The following GTF3C1 variants were observed in gnomAD, a reference collection of about 807,000 sequenced individuals.
GTF3C1 encodes the protein general transcription factor 3C polypeptide 1.
GTF3C1 carries 57 observed loss-of-function variants against 226.7 expected under a neutral mutation model. That is an observed-to-expected ratio of 0.25 (90% CI 0.20 to 0.31). The LOEUF (loss-of-function observed/expected upper bound fraction) is 0.31. Among genes scored for constraint, GTF3C1 ranks in the 10% least tolerant of loss-of-function variants. The probability of loss-of-function intolerance (pLI) is 1.00; values close to 1 mark genes in which losing one functional copy is unlikely to be tolerated. For synonymous variants in GTF3C1, 1,090 were observed against 1,084.8 expected, an observed-to-expected ratio of 1.00 and a Z score of -0.09; for missense variants, 2,217 against 2,776.1, an observed-to-expected ratio of 0.80 and a Z score of 4.53.
At chr16:27,483,186 C>A (rs2088083679) in intron 25 of GTF3C1, 61 bp from the exon 26 acceptor site, 1 of 1,480,902 alleles carries the variant, frequency 6.8e-7, no homozygotes. Context: ...TGTTCAGAAC[C>A]TTCAGAGAGC....
At chr16:27,509,417 G>A (rs980031433) in intron 7 of GTF3C1, among the ~76,000 whole-genome samples, 2 of 152,170 alleles carry the variant, frequency 1.3e-5, no homozygotes, top group African/African-American at 4.8e-5. Flanking sequence ...TAAAGCACAT[G>A]AGCCGCAAGG....
chr16:27,549,203 A>G (rs531210372), intron 1 of GTF3C1, among the ~76,000 whole-genome samples: 71 of 152,222 alleles, frequency 4.7e-4, no homozygotes, highest in African/African-American at 1.7e-3. Context: ...AGTCCCTGAT[A>G]AATGTCAGCT....
intron 6 of GTF3C1, among the ~76,000 whole-genome samples, chr16:27,520,153 G>T (rs1233884160): frequency 2.6e-5 from 4 of 152,150 alleles, no homozygotes; most frequent in Non-Finnish European, 4.4e-5. Flanking sequence ...GTCTCACTCT[G>T]TCACCCAGAC....
rs232077 is a variant in GTF3C1 at position 27,507,574 on chromosome 16, C to G, written c.1243-418G>C. ...CTTAGCCACTGCCATGAGGATTTGTCGACTGGGCATCAGTGATCCACACCC... is the reference window on the plus strand; with the variant it reads ...CTTAGCCACTGCCATGAGGATTTGTGGACTGGGCATCAGTGATCCACACCC... On this transcript the variant is annotated intron_variant, in intron 8 of 36. Coordinates refer to ENST00000356183, the MANE Select transcript of GTF3C1 (RefSeq NM_001520.4). This position sits in a 1 kb window ranked among gnomAD's most constrained non-coding sequence, Gnocchi z 4.9. 0.19 allele frequency among the ~76,000 whole-genome samples: 28,326 copies of G among 152,184 alleles called. 3,070 individuals carry two copies. Among genetic ancestry groups the G allele is most frequent in the African/African-American group, 0.29 (12,048 of 41,498 alleles).
Position 27,535,553 on chromosome 16 carries a change from C to T in GTF3C1, c.753-2166G>A, listed in dbSNP as rs573961899. ...TCGTGCCACTGCGCTCCAGCCTAGGCAACCAAATGAGACTGTCAAATAAAA... is the reference window on the plus strand; with the variant it reads ...TCGTGCCACTGCGCTCCAGCCTAGGTAACCAAATGAGACTGTCAAATAAAA... On this transcript the variant is annotated intron_variant, in intron 4 of 36. Coordinates refer to ENST00000356183, the MANE Select transcript of GTF3C1 (RefSeq NM_001520.4). Among the ~76,000 whole-genome samples the T allele has an allele frequency of 2.0e-4, 29 of 147,074 alleles. 1 individual carries two copies. The highest frequency in any genetic ancestry group is 6.9e-4 in the Admixed American group (10 of 14,566).
chr16:27,476,505 G>T lies in GTF3C1; in HGVS notation c.4299C>A (p.Ile1433=). The change falls in exon 29 of 37, where the codon ATC becomes ATA. Residue 1433 remains isoleucine (I), a synonymous_variant. Transcript: ENST00000356183. ...DIHFLVLQNL[I]QSTLALSDSQ... ...TGTCTGAGAGGGCCAGCGTGCTCTGGATCAGGTTCTGAAGCACCAGAAAGT... is the reference window on the plus strand; with the variant it reads ...TGTCTGAGAGGGCCAGCGTGCTCTGTATCAGGTTCTGAAGCACCAGAAAGT... The T allele has an allele frequency of 6.2e-7, 1 of 1,613,354 alleles. No individual in the cohort carries two copies. Among genetic ancestry groups the T allele is most frequent in the Non-Finnish European group, 8.5e-7 (1 of 1,179,334 alleles).
At chr16:27,466,506 G>A (rs1345874914) in intron 32 of GTF3C1, among the ~76,000 whole-genome samples, 1 of 152,108 alleles carries the variant, frequency 6.6e-6, no homozygotes, top group East Asian at 1.9e-4. Context: ...CCCTATTCCT[G>A]AAACACAACA....
intron 5 of GTF3C1, among the ~76,000 whole-genome samples, chr16:27,530,720 TTTATTC>T (rs1453292362): frequency 6.6e-6 from 1 of 152,202 alleles, no homozygotes; most frequent in African/African-American, 2.4e-5. Context: ...TTCTGACCTA[TTTATTC>T]AACTCCCATT....
At chr16:27,476,398 TG>T in intron 29 of GTF3C1, 52 bp downstream of exon 29, 1 of 1,163,814 alleles carries the variant, frequency 8.6e-7, no homozygotes, top group South Asian at 1.2e-5. Flanking sequence ...CTCACGAGCC[TG>T]GCCTCGGAAG....
Position 27,478,453 on chromosome 16 carries a change from A to G in GTF3C1, c.4259+16T>C, listed in dbSNP as rs2087987517. The G allele has an allele frequency of 6.5e-7, 1 of 1,534,932 alleles. No individual in the cohort carries two copies. The highest frequency in any genetic ancestry group is 9.0e-7 in the Non-Finnish European group (1 of 1,107,732). ...TAAGCAGCTGAGGAAAAGCTACTCTATATATCAGTACTTACCTGTTAAGTT... is the reference window on the plus strand; with the variant it reads ...TAAGCAGCTGAGGAAAAGCTACTCTGTATATCAGTACTTACCTGTTAAGTT... On this transcript the variant is annotated intron_variant, in intron 28 of 36. Coordinates refer to ENST00000356183, the MANE Select transcript of GTF3C1 (RefSeq NM_001520.4).
chr16:27,543,882 C>A (rs775503485), intron 2 of GTF3C1, among the ~76,000 whole-genome samples: 7 of 152,086 alleles, frequency 4.6e-5, no homozygotes, highest in Admixed American at 6.6e-5. Flanking sequence ...GAGGATAAAA[C>A]TGTGAAGTGA....
chr16:27,488,879 T>C (rs2088186102), intron 21 of GTF3C1, among the ~76,000 whole-genome samples, 164 bp downstream of exon 21: 1 of 152,164 alleles, frequency 6.6e-6, no homozygotes, highest in Non-Finnish European at 1.5e-5. Flanking sequence ...CAGCGTAAGT[T>C]AGCATCCACT....
chr16:27,494,819 T>C lies in GTF3C1; in HGVS notation c.2722A>G (p.Ile908Val), dbSNP rs1303448928. The C allele has an allele frequency of 3.1e-6, 5 of 1,612,698 alleles. No individual in the cohort carries two copies. In the African/African-American group the frequency reaches 4.0e-5, roughly 13 times the overall value. Reference protein sequence around the residue: ...FGFGWALVSDILLCLPLSIFI... With the variant: ...FGFGWALVSDVLLCLPLSIFI... ...ATGGAGAGGGGAAGGCAGAGGAGGA[T>C]GTCGCTGACGAGAGCCCAGCCAAAG... Residue 908 changes from isoleucine to valine, a missense_variant, in exon 16 of 37, where the codon ATC (isoleucine) becomes GTC (valine). Ile to Val is a conservative substitution (Grantham distance 29). Coordinates refer to ENST00000356183, the MANE Select transcript of GTF3C1 (RefSeq NM_001520.4).
Position 27,533,364 on chromosome 16 carries a change from A to G in GTF3C1, c.776T>C (p.Met259Thr). 1.9e-6 allele frequency: 3 copies of G among 1,604,956 alleles called. No individual in the cohort carries two copies. The highest frequency in any genetic ancestry group is 4.5e-5 in the East Asian group (2 of 44,838). ...GCTCAGCATGACCGAAAGCTTCTCC[A>G]TGAGGATGTCGTATTTGCTCCTCCT... ...VDRRSKYDILMEKLSVMLSTR... is the reference protein window; with the variant it reads ...VDRRSKYDILTEKLSVMLSTR... Residue 259 changes from methionine (M) to threonine (T), a missense_variant, in exon 5 of 37, where the codon ATG becomes ACG. Around this residue, in one of 12 missense-constraint regions of GTF3C1, gnomAD observed 163 missense variants for 234.3 expected, o/e 0.70. Transcript: ENST00000356183.
intron 16 of GTF3C1, among the ~76,000 whole-genome samples, chr16:27,493,666 A>G (rs1192804536): frequency 1.3e-5 from 2 of 152,214 alleles, no homozygotes; most frequent in Admixed American, 1.3e-4. Context: ...ATCCTTACCC[A>G]AAGGAAAAAA....
chr16:27,517,445 C>T (rs1463026895), intron 6 of GTF3C1, among the ~76,000 whole-genome samples: 1 of 152,196 alleles, frequency 6.6e-6, no homozygotes, highest in Non-Finnish European at 1.5e-5. Flanking sequence ...ACCTCAGTGA[C>T]CAGCAATTCC....
At chr16:27,518,214 T>C (rs2088691437) in intron 6 of GTF3C1, among the ~76,000 whole-genome samples, 1 of 148,680 alleles carries the variant, frequency 6.7e-6, no homozygotes, top group African/African-American at 2.5e-5. Flanking sequence ...CACACATGCC[T>C]GGCCAGAGGC....
chr16:27,514,681 A>G (rs1256790993), intron 6 of GTF3C1, among the ~76,000 whole-genome samples: 1 of 152,146 alleles, frequency 6.6e-6, no homozygotes, highest in African/African-American at 2.4e-5. Context: ...CGTGTACCCT[A>G]TGAACTGACC....
intron 4 of GTF3C1, among the ~76,000 whole-genome samples, chr16:27,533,955 G>A (rs1472197821): frequency 4.6e-5 from 7 of 152,160 alleles, no homozygotes; most frequent in Non-Finnish European, 1.0e-4. Flanking sequence ...GCAGTGAGCC[G>A]AGATTGCACC....
Sources: gnomAD v4.1 joint callset for allele counts (sites outside exome capture counted in the v4.1 genomes callset) on GRCh38, gnomAD v4.1.1 for gene constraint, gnomAD v4.1.1 regional missense constraint, Gnocchi (gnomAD v3.1) non-coding constraint, MANE v1.5 for transcripts, NCBI Gene and HGNC (gene_info 2026-07-23, HGNC 2026-07-21) for gene names.